The following ZNF525 variants were observed in gnomAD, a reference collection of about 807,000 sequenced individuals.
ZNF525 encodes the protein zinc finger protein 525.
In ZNF525, 33 loss-of-function variants were observed where a neutral mutation model predicts 37.6. The ratio of observed to expected loss-of-function variants is 0.88; its 90% CI spans 0.67 to 1.17. ZNF525 has a LOEUF of 1.17. Among genes scored for constraint, ZNF525 ranks in the 50% most tolerant of loss-of-function variants. The pLI, the probability that ZNF525 is intolerant of heterozygous loss-of-function variation, is 0.00. For missense variants in ZNF525, 449 were observed against 543.1 expected (o/e 0.83, Z 1.72); for synonymous variants, 170 against 182.3 (o/e 0.93, Z 0.54).
Position 53,385,259 on chromosome 19 carries a change from T to C in ZNF525, c.*3240T>C. ...TCACAATTTTTGCACCAAAATAAAC[T>C]AGTGCTAGTCTGTTATAACATGTCT... On this transcript the variant is annotated 3_prime_UTR_variant, in exon 4 of 4. Transcript: ENST00000474037. The C allele has an allele frequency of 2.3e-6, 1 of 430,688 alleles. No homozygotes were observed. Among genetic ancestry groups the C allele is most frequent in the Non-Finnish European group, 4.1e-6 (1 of 241,742 alleles). 26.7% of individuals were successfully genotyped at this position (430,688 alleles called of 1,614,324 possible). A position where few individuals can be genotyped will look rare whatever the true frequency, so the allele number is the denominator to read the frequency against.
chr19:53,371,219 A>G (rs2085485776), intron 1 of ZNF525, among the ~76,000 whole-genome samples: 1 of 128,774 alleles, frequency 7.8e-6, no homozygotes, highest in African/African-American at 2.7e-5. Context: ...TTTTTTTTAG[A>G]CAGAGTCTCA....
Position 53,385,314 on chromosome 19 carries a change from G to A in ZNF525, c.*3295G>A. ...AGGCTCTAGTTTGATGCCCTCAAAA[G>A]GATAAGACATGAGTATAAAAAGAGA... On this transcript the variant is annotated 3_prime_UTR_variant, in exon 4 of 4. Coordinates refer to ENST00000474037, the MANE Select transcript of ZNF525 (RefSeq NM_001348156.2). The A allele has an allele frequency of 4.1e-6, 1 of 245,594 alleles. No homozygotes were observed. The highest frequency in any genetic ancestry group is 7.8e-6 in the Non-Finnish European group (1 of 128,418). 15.2% of individuals were successfully genotyped at this position (245,594 alleles called of 1,614,324 possible).
rs1437298465 is a variant in ZNF525, at chr19:53,381,457, A to G, written c.878A>G (p.His293Arg). Residue 293 changes from histidine to arginine, a missense_variant, in exon 4 of 4, where the codon CAT becomes CGT. Transcript: ENST00000474037. ...MSSLTYHHRL[H>R]TGEKPYKCEE... ...TCCCTTACATATCATCATCGACTTCATACTGGAGAGAAACCTTACAAATGT... is the reference window on the plus strand; with the variant it reads ...TCCCTTACATATCATCATCGACTTCGTACTGGAGAGAAACCTTACAAATGT... 2 of 1,466,710 alleles carry G rather than the reference A, an allele frequency of 1.4e-6. No individual in the cohort carries two copies. The highest frequency in any genetic ancestry group is 9.6e-7 in the Non-Finnish European group (1 of 1,045,806). 90.9% of individuals were successfully genotyped at this position (1,466,710 alleles called of 1,614,324 possible). A position where few individuals can be genotyped will look rare whatever the true frequency, so the allele number is the denominator to read the frequency against.
Position 53,367,702 on chromosome 19 carries a change from A to C in ZNF525, c.-68+1943A>C, listed in dbSNP as rs534194556. Among the ~76,000 whole-genome samples, 8 of 152,334 alleles carry C rather than the reference A, an allele frequency of 5.3e-5. No individual in the cohort carries two copies. The South Asian group carries it at 1.0e-3, about 20-fold the overall frequency. Reference sequence around the variant, plus strand: ...TTTTTTCATACTTGCAGTTATTTCTATAACAGCCTTCCTGTTGTCATTGAT... The same window carrying C: ...TTTTTTCATACTTGCAGTTATTTCTCTAACAGCCTTCCTGTTGTCATTGAT... On this transcript the variant is annotated intron_variant, in intron 1 of 3. Transcript: ENST00000474037.
chr19:53,369,873 C>A (rs1478536896), intron 1 of ZNF525, among the ~76,000 whole-genome samples: 1 of 141,102 alleles, frequency 7.1e-6, no homozygotes, highest in Non-Finnish European at 1.5e-5. Context: ...TACAGGCGCC[C>A]GCCACCACGC....
rs969017459 is a variant in ZNF525, at chr19:53,383,655, G to A, written c.*1636G>A. 14 of 919,344 alleles carry A rather than the reference G, an allele frequency of 1.5e-5. No homozygotes were observed. The highest frequency in any genetic ancestry group is 1.3e-4 in the African/African-American group (8 of 59,586). 56.9% of individuals were successfully genotyped at this position (919,344 alleles called of 1,614,324 possible). ...CGTAGTGTAGGGAAACTTGACTAAC[G>A]TAATGATTCTCACAACGTCTTCAGT... is the stretch of plus-strand genomic sequence containing the variant. On this transcript the variant is annotated 3_prime_UTR_variant, in exon 4 of 4. Coordinates refer to ENST00000474037, the MANE Select transcript of ZNF525 (RefSeq NM_001348156.2).
In ZNF525 at chr19:53,382,619, C is replaced by CA; in HGVS notation, c.*602dup. On this transcript the variant is annotated 3_prime_UTR_variant, in exon 4 of 4. Transcript: ENST00000474037. ...TAGGCAGTCAGCGCTTATTTACCATCAAGCAATCCATGGCAGAGGGAAACT... is the reference window on the plus strand; with the variant it reads ...TAGGCAGTCAGCGCTTATTTACCATCAAAGCAATCCATGGCAGAGGGAAACT... The CA allele has an allele frequency of 1.5e-6, 1 of 686,360 alleles. No individual in the cohort carries two copies. 42.5% of individuals were successfully genotyped at this position (686,360 alleles called of 1,614,324 possible).
intron 1 of ZNF525, among the ~76,000 whole-genome samples, chr19:53,370,108 C>T (rs1315170874): frequency 6.6e-6 from 1 of 151,450 alleles, no homozygotes; most frequent in African/African-American, 2.4e-5. Flanking sequence ...CTTCCATTAG[C>T]TCTTCCAGGC....
intron 3 of ZNF525, among the ~76,000 whole-genome samples, chr19:53,380,153 C>T (rs1250855329): frequency 6.6e-6 from 1 of 150,820 alleles, no homozygotes; most frequent in Non-Finnish European, 1.5e-5. Context: ...TACAGTGGTG[C>T]GATCTCGGCT....
chr19:53,378,430 G>A (rs1298483602), intron 3 of ZNF525, among the ~76,000 whole-genome samples: 1 of 152,164 alleles, frequency 6.6e-6, no homozygotes, highest in African/African-American at 2.4e-5. Flanking sequence ...ACTCCAGTCT[G>A]GGCACCAAAG....
chr19:53,378,200 T>C (rs1001163266), intron 3 of ZNF525, among the ~76,000 whole-genome samples: 1 of 152,196 alleles, frequency 6.6e-6, no homozygotes, highest in African/African-American at 2.4e-5. Context: ...CTCAAGCCTG[T>C]AATCCCAGCA....
chr19:53,375,699 C>T (rs1465724978), intron 2 of ZNF525, 71 bp from the exon 3 acceptor site: 68 of 1,612,804 alleles, frequency 4.2e-5, no homozygotes, highest in Non-Finnish European at 5.6e-5. Flanking sequence ...TCCCCTCTCT[C>T]CTCTTCTCAT....
In ZNF525 at chr19:53,383,667, A is replaced by C; in HGVS notation, c.*1648A>C. ...AAACTTGACTAACGTAATGATTCTC[A>C]CAACGTCTTCAGTAATGCTACAACC... On this transcript the variant is annotated 3_prime_UTR_variant, in exon 4 of 4. Coordinates refer to ENST00000474037, the MANE Select transcript of ZNF525 (RefSeq NM_001348156.2). 2 of 800,394 alleles carry C rather than the reference A, an allele frequency of 2.5e-6. No homozygotes were observed. The highest frequency in any genetic ancestry group is 3.5e-5 in the East Asian group (1 of 28,944). 49.6% of individuals were successfully genotyped at this position (800,394 alleles called of 1,614,324 possible).
rs1204624896 is a variant in ZNF525, at chr19:53,385,550, G to C, written c.*3531G>C. Reference sequence around the variant, plus strand: ...AAAAATACAAAAATTAGCTGGGCATGGTGGCACATGCCTGCCGTCTCAGTT... The same window carrying C: ...AAAAATACAAAAATTAGCTGGGCATCGTGGCACATGCCTGCCGTCTCAGTT... On this transcript the variant is annotated 3_prime_UTR_variant, in exon 4 of 4. Transcript: ENST00000474037. The C allele has an allele frequency of 2.6e-5, 4 of 153,818 alleles. No individual in the cohort carries two copies. The highest frequency in any genetic ancestry group is 5.8e-5 in the Non-Finnish European group (4 of 69,378). 9.5% of individuals were successfully genotyped at this position (153,818 alleles called of 1,614,324 possible). A position where few individuals can be genotyped will look rare whatever the true frequency, so the allele number is the denominator to read the frequency against.
Position 53,382,687 on chromosome 19 carries a change from A to G in ZNF525, c.*668A>G. 1.3e-6 allele frequency: 1 copy of G among 741,456 alleles called. No individual in the cohort carries two copies. The highest frequency in any genetic ancestry group is 1.4e-5 in the South Asian group (1 of 72,720). 45.9% of individuals were successfully genotyped at this position (741,456 alleles called of 1,614,324 possible). On this transcript the variant is annotated 3_prime_UTR_variant, in exon 4 of 4. Coordinates refer to ENST00000474037, the MANE Select transcript of ZNF525 (RefSeq NM_001348156.2). ...GTCACCACGTCTTCAGTAATGCTAC[A>G]ACTATTGCAAATCATTGGAGAATCC...
intron 2 of ZNF525, 77 bp from the exon 3 acceptor site, chr19:53,375,693 C>T: frequency 1.2e-6 from 2 of 1,612,096 alleles, no homozygotes; most frequent in Non-Finnish European, 8.5e-7. Flanking sequence ...ATGCTTTCCC[C>T]TCTCTCCTCT....
intron 1 of ZNF525, 144 bp from the exon 2 acceptor site, chr19:53,372,071 G>C (rs192718626): frequency 2.3e-6 from 1 of 433,420 alleles, no homozygotes; most frequent in Non-Finnish European, 4.1e-6. Context: ...TCCTGTAGGA[G>C]TTTATTGTAC....
intron 1 of ZNF525, among the ~76,000 whole-genome samples, chr19:53,369,650 A>AT (rs2085471105): frequency 1.4e-5 from 2 of 140,006 alleles, no homozygotes; most frequent in Non-Finnish European, 3.0e-5. Context: ...TGTTACTGTG[A>AT]TTTTCTTGTA....
Position 53,382,274 on chromosome 19 carries a change from C to T in ZNF525, c.*255C>T, listed in dbSNP as rs556484318. 47 of 1,460,312 alleles carry T rather than the reference C, an allele frequency of 3.2e-5. No homozygotes were observed. The highest frequency in any genetic ancestry group is 4.3e-5 in the Non-Finnish European group (45 of 1,041,018). The allele number at this position is 1,460,312 out of a possible 1,614,324, so 90.5% of individuals were successfully genotyped here. A position where few individuals can be genotyped will look rare whatever the true frequency, so the allele number is the denominator to read the frequency against. The stretch of plus-strand genomic sequence containing the variant: ...GCAAGACCTTCAGTCATACATCATC[C>T]CTTACATGCCATCATAGACTTCATA... On this transcript the variant is annotated 3_prime_UTR_variant, in exon 4 of 4. Transcript: ENST00000474037.
Sources: gnomAD v4.1 joint callset for allele counts (sites outside exome capture counted in the v4.1 genomes callset) on GRCh38, gnomAD v4.1.1 for gene constraint, MANE v1.5 for transcripts, NCBI Gene and HGNC (gene_info 2026-07-23, HGNC 2026-07-21) for gene names.